The following EIF2B5 variants were observed in gnomAD, a reference collection of about 807,000 sequenced individuals.
EIF2B5 encodes the protein eukaryotic translation initiation factor 2B subunit epsilon.
Under a neutral mutation model 87.3 loss-of-function variants are expected in EIF2B5, and 38 were observed. The observed-to-expected ratio is 0.44, with a 90% confidence interval of 0.34 to 0.57. The LOEUF is 0.57. EIF2B5 is among the 20% of genes least tolerant of loss of function. EIF2B5 has a pLI of 0.02. For missense variants in EIF2B5, 784 were observed against 909.5 expected (o/e 0.86, Z 1.78); for synonymous variants, 313 against 339.6 (o/e 0.92, Z 0.86).
In EIF2B5 at chr3:184,144,793, G is replaced by A. The variant is rs1400518936; in HGVS notation, c.2106+86G>A. The A allele has an allele frequency of 2.5e-6, 4 of 1,582,034 alleles. No individual in the cohort carries two copies. In the African/African-American group the frequency reaches 4.0e-5, roughly 16 times the overall value. On this transcript the variant is annotated intron_variant, in intron 15 of 15. Coordinates refer to ENST00000648915, the MANE Select transcript of EIF2B5 (RefSeq NM_003907.3). ...AGACTCTAGGGTGGTTGGTTTCTGG[G>A]GCTCTGGTTGTTAGAGCTGTTTATC...
At position 184,145,102 on chromosome 3, in the gene EIF2B5, A is replaced by C. The variant is rs933039030; in HGVS notation, c.*159A>C. ...TACAGTATTCTTTCCCCTGCTAGCA[A>C]CCATGTGCCTCCCATCCTGACTGTG... On this transcript the variant is annotated 3_prime_UTR_variant, in exon 16 of 16. Transcript: ENST00000648915. The surrounding 1 kb of genome is among the most constrained non-coding windows in gnomAD (Gnocchi z 4.0). 17 of 718,002 alleles carry C rather than the reference A, an allele frequency of 2.4e-5. No individual in the cohort carries two copies. In the African/African-American group the frequency reaches 2.8e-4, roughly 12 times the overall value. 44.5% of individuals were successfully genotyped at this position (718,002 alleles called of 1,614,324 possible).
In EIF2B5 at chr3:184,142,861, C is replaced by T; in HGVS notation, c.1629C>T (p.Gly543=). The stretch of plus-strand genomic sequence containing the variant: ...CTGAGGAGCCGGACAGCCGGGGAGG[C>T]TCCCCTCAGATGGATGACATCAAAG... The part of the protein sequence containing the change: ...MDSEEPDSRG[G]SPQMDDIKVF... The change falls in exon 11 of 16, where the codon GGC becomes GGT. Residue 543 remains glycine, a synonymous_variant. Coordinates refer to ENST00000648915, the MANE Select transcript of EIF2B5 (RefSeq NM_003907.3). The surrounding 1 kb of genome is among the most constrained non-coding windows in gnomAD (Gnocchi z 5.0). 1 of 1,613,930 alleles carries T rather than the reference C, an allele frequency of 6.2e-7. No individual in the cohort carries two copies. The highest frequency in any genetic ancestry group is 8.5e-7 in the Non-Finnish European group (1 of 1,179,948).
intron 7 of EIF2B5, among the ~76,000 whole-genome samples, chr3:184,141,118 A>G (rs1713615178): frequency 6.6e-6 from 1 of 152,256 alleles, no homozygotes; most frequent in South Asian, 2.1e-4. Context: ...GGTCATTGGT[A>G]ATAATGGTGG....
At chr3:184,138,578 C>T (rs1713469536) in intron 5 of EIF2B5, among the ~76,000 whole-genome samples, 1 of 152,082 alleles carries the variant, frequency 6.6e-6, no homozygotes, top group Admixed American at 6.5e-5. Flanking sequence ...TGGTCTCGAA[C>T]TCCTGGTCTC....
intron 2 of EIF2B5, 143 bp from the exon 3 acceptor site, chr3:184,137,477 C>G: frequency 1.3e-6 from 1 of 754,996 alleles, no homozygotes; most frequent in Non-Finnish European, 2.3e-6. Flanking sequence ...GTTCATAATA[C>G]TCTTTGAAGT....
chr3:184,136,533 T>C (rs1577028687), intron 1 of EIF2B5, 79 bp from the exon 2 acceptor site: 4 of 1,556,952 alleles, frequency 2.6e-6, no homozygotes, highest in South Asian at 2.2e-5. Context: ...GAAATACGAA[T>C]AGAGGAGTGA....
In EIF2B5 at chr3:184,144,098, G is replaced by A; in HGVS notation, c.1870-1G>A. 1 of 1,614,218 alleles carries A rather than the reference G, an allele frequency of 6.2e-7. No individual in the cohort carries two copies. The highest frequency in any genetic ancestry group is 8.5e-7 in the Non-Finnish European group (1 of 1,180,034). The stretch of plus-strand genomic sequence containing the variant: ...CTGCAGCTCCCTTCTTTCTTCCATA[G>A]CTGCTAAAGGCCTGGAGCCCTGTTT... On this transcript the variant is annotated splice_acceptor_variant, in intron 13 of 15. Coordinates refer to ENST00000648915, the MANE Select transcript of EIF2B5 (RefSeq NM_003907.3). LOFTEE classifies it high-confidence loss of function.
At chr3:184,140,226 C>A in intron 6 of EIF2B5, 69 bp downstream of exon 6, 1 of 1,525,484 alleles carries the variant, frequency 6.6e-7, no homozygotes. Context: ...ATGCTGGTAA[C>A]TTTTGATCTT....
At chr3:184,140,365 G>A (rs575458506) in intron 6 of EIF2B5, 53 bp from the exon 7 acceptor site, 24 of 1,591,058 alleles carry the variant, frequency 1.5e-5, no homozygotes, top group East Asian at 8.9e-5. Flanking sequence ...TGTACTTGGG[G>A]GCATTCTTCC....
chr3:184,138,789 T>G, intron 5 of EIF2B5: 1 of 244,680 alleles, frequency 4.1e-6, no homozygotes, highest in South Asian at 3.7e-5. Context: ...TGCCTCAGCC[T>G]CCTGAGTAGA....
intron 1 of EIF2B5, 149 bp from the exon 2 acceptor site, chr3:184,136,463 T>C: frequency 9.4e-7 from 1 of 1,064,908 alleles, no homozygotes; most frequent in Non-Finnish European, 1.4e-6. Context: ...GGCATGAACA[T>C]CAAAGGCAGG....
At chr3:184,138,327 T>C (rs1713459210) in intron 5 of EIF2B5, 81 bp downstream of exon 5, 2 of 1,224,598 alleles carry the variant, frequency 1.6e-6, no homozygotes, top group Admixed American at 3.4e-5. Context: ...AAGGCCAGGG[T>C]ATATTTCTTC....
Position 184,142,200 on chromosome 3 carries a change from C to G in EIF2B5, c.1303-37C>G, listed in dbSNP as rs1713665646. 1 of 1,614,092 alleles carries G rather than the reference C, an allele frequency of 6.2e-7. No individual in the cohort carries two copies. The highest frequency in any genetic ancestry group is 8.5e-7 in the Non-Finnish European group (1 of 1,180,018). On this transcript the variant is annotated intron_variant, in intron 8 of 15. Transcript: ENST00000648915. This position sits in a 1 kb window ranked among gnomAD's most constrained non-coding sequence, Gnocchi z 5.0. ...CTCATTATCAGGATGCACTTTTCCT[C>G]CACACCCTAATGGTTCTGTGTTTTT...
Position 184,143,034 on chromosome 3 carries a change from T to C in EIF2B5, c.1655-18T>C, listed in dbSNP as rs758588459. On this transcript the variant is annotated intron_variant, in intron 11 of 15. Coordinates refer to ENST00000648915, the MANE Select transcript of EIF2B5 (RefSeq NM_003907.3). Reference sequence around the variant, plus strand: ...TGAATGATGTTGGCCCATGAACTTATCCTTGCTTTGATTTCAGTGTTCCAG... The same window carrying C: ...TGAATGATGTTGGCCCATGAACTTACCCTTGCTTTGATTTCAGTGTTCCAG... The C allele has an allele frequency of 3.7e-6, 6 of 1,611,230 alleles. No homozygotes were observed. The Admixed American group carries it at 1.0e-4, about 27-fold the overall frequency.
intron 5 of EIF2B5, among the ~76,000 whole-genome samples, chr3:184,138,513 C>T (rs1713466707): frequency 6.6e-6 from 1 of 151,694 alleles, no homozygotes; most frequent in South Asian, 2.1e-4. Context: ...CACCACCATG[C>T]CTGGCTAATT....
In EIF2B5 at chr3:184,140,488, T is replaced by G; in HGVS notation, c.914T>G (p.Met305Arg). 6.2e-7 allele frequency: 1 copy of G among 1,614,124 alleles called. No homozygotes were observed. The highest frequency in any genetic ancestry group is 8.5e-7 in the Non-Finnish European group (1 of 1,180,030). Reference sequence around the variant, plus strand: ...GGTGCCCGTGTCTCCAACCTACACATGTACTCAGCTGTCTGTGCTGACGTC... The same window carrying G: ...GGTGCCCGTGTCTCCAACCTACACAGGTACTCAGCTGTCTGTGCTGACGTC... Reference protein sequence around the residue: ...EYGARVSNLHMYSAVCADVIR... With the variant: ...EYGARVSNLHRYSAVCADVIR... Residue 305 changes from methionine to arginine, a missense_variant, in exon 7 of 16, where the codon ATG (methionine) becomes AGG (arginine). Transcript: ENST00000648915.
At position 184,144,241 on chromosome 3, in the gene EIF2B5, G is replaced by T; in HGVS notation, c.1995+17G>T. On this transcript the variant is annotated intron_variant, in intron 14 of 15. Transcript: ENST00000648915. ...ATGGCCAAGGTGAATATGACCTCAA[G>T]CCCCATTCTTCTGCACTTGCTTTCA... The T allele has an allele frequency of 6.2e-7, 1 of 1,613,646 alleles. No homozygotes were observed. The highest frequency in any genetic ancestry group is 1.1e-5 in the South Asian group (1 of 91,062).
At chr3:184,135,933 T>G in intron 1 of EIF2B5, 1 of 330,374 alleles carries the variant, frequency 3.0e-6, no homozygotes, top group South Asian at 3.9e-5. Context: ...AGAAACGACC[T>G]TTTGCCTCTG....
rs1465358581 is a variant in EIF2B5 at position 184,145,086 on chromosome 3, CT to C, written c.*146del. The C allele has an allele frequency of 5.2e-6, 4 of 770,950 alleles. No homozygotes were observed. The highest frequency in any genetic ancestry group is 1.7e-5 in the African/African-American group (1 of 58,562). 47.8% of individuals were successfully genotyped at this position (770,950 alleles called of 1,614,324 possible). ...GAGCAGAGGCTGGAACTACAGTATT[CT>C]TTCCCCTGCTAGCAACCATGTGCCT... On this transcript the variant is annotated 3_prime_UTR_variant, in exon 16 of 16. Coordinates refer to ENST00000648915, the MANE Select transcript of EIF2B5 (RefSeq NM_003907.3). This position sits in a 1 kb window ranked among gnomAD's most constrained non-coding sequence, Gnocchi z 4.0.
Sources: gnomAD v4.1 joint callset for allele counts (sites outside exome capture counted in the v4.1 genomes callset) on GRCh38, gnomAD v4.1.1 for gene constraint, Gnocchi (gnomAD v3.1) non-coding constraint, MANE v1.5 for transcripts, NCBI Gene and HGNC (gene_info 2026-07-23, HGNC 2026-07-21) for gene names.